Variants in NEGR1 observed in about 807,000 individuals in gnomAD.
NEGR1 encodes the protein IgLON family member 4.
NEGR1 carries 10 observed loss-of-function variants against 40.9 expected under a neutral mutation model. The ratio of observed to expected loss-of-function variants is 0.24; its 90% confidence interval spans 0.15 to 0.42. The LOEUF (loss-of-function observed/expected upper bound fraction) is 0.42, where lower values mean the gene tolerates loss of function less well. Among genes scored for constraint, NEGR1 ranks in the 10% least tolerant of loss-of-function variants. The pLI is 1.00. For missense variants in NEGR1, 352 were observed against 438.9 expected, an observed-to-expected ratio of 0.80 and a Z score of 1.77; for synonymous variants, 185 against 166.8, an observed-to-expected ratio of 1.11 and a Z score of -0.84.
At chr1:71,572,021 A>G (rs1648824866) in intron 6 of NEGR1, among the ~76,000 whole-genome samples, 1 of 152,090 alleles carries the variant, frequency 6.6e-6, no homozygotes, top group African/African-American at 2.4e-5. Context: ...TATTTAGGCC[A>G]TATTTTGGAG....
intron 1 of NEGR1, among the ~76,000 whole-genome samples, chr1:72,130,361 C>CA (rs1187542371): frequency 2.6e-5 from 4 of 152,252 alleles, no homozygotes; most frequent in South Asian, 2.1e-4. Context: ...TGCCCTGAGA[C>CA]AAAATCATTA....
At chr1:71,471,996 T>A (rs1646785402) in intron 6 of NEGR1, among the ~76,000 whole-genome samples, 1 of 152,130 alleles carries the variant, frequency 6.6e-6, no homozygotes, top group Non-Finnish European at 1.5e-5. Flanking sequence ...TGGGCAAACT[T>A]CTAATCTCTG....
At chr1:72,094,808 T>C (rs1648636312) in intron 1 of NEGR1, among the ~76,000 whole-genome samples, 1 of 152,198 alleles carries the variant, frequency 6.6e-6, no homozygotes, top group South Asian at 2.1e-4. Context: ...CTAATTACAG[T>C]GAGTGGACCA....
chr1:72,019,820 C>T (rs1646741677), intron 1 of NEGR1, among the ~76,000 whole-genome samples: 1 of 152,172 alleles, frequency 6.6e-6, no homozygotes, highest in Non-Finnish European at 1.5e-5. Flanking sequence ...ATCATCTGTA[C>T]TTCCTTTTTA....
At chr1:71,456,315 C>T (rs1646672303) in intron 6 of NEGR1, among the ~76,000 whole-genome samples, 1 of 152,052 alleles carries the variant, frequency 6.6e-6, no homozygotes, top group Admixed American at 6.6e-5. Flanking sequence ...ACTGTATTGA[C>T]CAGGCTGGTC....
chr1:72,194,765 G>A (rs1161859363), intron 1 of NEGR1, among the ~76,000 whole-genome samples: 2 of 152,042 alleles, frequency 1.3e-5, no homozygotes, highest in African/African-American at 2.4e-5. Flanking sequence ...CTTAATTCAT[G>A]ACCACATGTC....
chr1:71,548,347 G>A (rs2101465820), intron 6 of NEGR1, among the ~76,000 whole-genome samples: 2 of 151,702 alleles, frequency 1.3e-5, no homozygotes, highest in South Asian at 4.1e-4. Context: ...ACTTCACTGT[G>A]ATACCTTCAC....
chr1:72,055,320 T>A (rs915584826), intron 1 of NEGR1, among the ~76,000 whole-genome samples: 1 of 151,172 alleles, frequency 6.6e-6, no homozygotes, highest in Admixed American at 6.6e-5. Context: ...TACAGTTAGT[T>A]TTAATAACCT....
chr1:71,979,236 C>T (rs182337672), intron 1 of NEGR1, among the ~76,000 whole-genome samples: 43 of 151,984 alleles, frequency 2.8e-4, no homozygotes, highest in African/African-American at 9.6e-4. Context: ...AGGAGAGGAA[C>T]GGAAAAAATA....
chr1:72,083,793 C>T (rs760949651), intron 1 of NEGR1, among the ~76,000 whole-genome samples: 2 of 151,880 alleles, frequency 1.3e-5, no homozygotes, highest in Non-Finnish European at 2.9e-5. Context: ...ACAGTGGGTT[C>T]CCATATGCCC....
At chr1:71,452,816 CA>C (rs5775062) in intron 6 of NEGR1, among the ~76,000 whole-genome samples, 140,331 of 148,718 alleles carry the variant, frequency 0.94, 66,576 homozygotes, top group Non-Finnish European at 1. Flanking sequence ...AAAAAAAAAC[CA>C]AAAAAAAAAC....
chr1:72,162,289 T>TA (rs747216880), intron 1 of NEGR1, among the ~76,000 whole-genome samples: 3 of 74,676 alleles, frequency 4.0e-5, no homozygotes, highest in South Asian at 4.4e-4. Context: ...CTGCCTCTAC[T>TA]AAAAAAAAAT....
chr1:71,833,251 T>G (rs900693638), intron 2 of NEGR1, among the ~76,000 whole-genome samples: 1 of 152,056 alleles, frequency 6.6e-6, no homozygotes, highest in Non-Finnish European at 1.5e-5. Flanking sequence ...AGAAAGGTAC[T>G]TTTTGCACCT....
intron 3 of NEGR1, among the ~76,000 whole-genome samples, chr1:71,723,422 TG>T: frequency 6.6e-6 from 1 of 152,094 alleles, no homozygotes; most frequent in East Asian, 1.9e-4. Flanking sequence ...CAGCTCCACC[TG>T]CCAGTCTTTG....
chr1:72,022,284 TATA>T (rs1646767321), intron 1 of NEGR1, among the ~76,000 whole-genome samples: 1 of 121,920 alleles, frequency 8.2e-6, no homozygotes, highest in Non-Finnish European at 1.8e-5. Flanking sequence ...TATATATATA[TATA>T]TATATATATA....
intron 4 of NEGR1, among the ~76,000 whole-genome samples, chr1:71,660,682 G>T (rs537188822): frequency 4.6e-5 from 7 of 152,014 alleles, no homozygotes; most frequent in Non-Finnish European, 1.0e-4. Flanking sequence ...TACTAATTTT[G>T]AACATCTTGG....
At chr1:71,410,346 C>T (rs1342224119) in intron 6 of NEGR1, among the ~76,000 whole-genome samples, 1 of 152,044 alleles carries the variant, frequency 6.6e-6, no homozygotes, top group Non-Finnish European at 1.5e-5. Flanking sequence ...TTACATGTCA[C>T]CAGTCGTACT....
chr1:72,142,695 C>T (rs1570033283), intron 1 of NEGR1, among the ~76,000 whole-genome samples: 1 of 151,782 alleles, frequency 6.6e-6, no homozygotes, highest in East Asian at 1.9e-4. Context: ...TATACAATCT[C>T]ATTGAATTCT....
intron 3 of NEGR1, among the ~76,000 whole-genome samples, chr1:71,704,804 A>G (rs960729047): frequency 1.3e-5 from 2 of 151,898 alleles, no homozygotes; most frequent in Non-Finnish European, 2.9e-5. Context: ...ATATCAGGAC[A>G]AAAAATATCA....
Sources: gnomAD v4.1 joint callset for allele counts (sites outside exome capture counted in the v4.1 genomes callset) on GRCh38, gnomAD v4.1.1 for gene constraint, MANE v1.5 for transcripts, NCBI Gene and HGNC (gene_info 2026-07-23, HGNC 2026-07-21) for gene names.